The following NINJ2 variants were observed in gnomAD, a reference collection of about 807,000 sequenced individuals.
The protein encoded by NINJ2 is ninjurin 2, also known as ninjurin-2.
A neutral mutation model predicts 11.7 loss-of-function variants in NINJ2; 12 were observed. That is an observed-to-expected ratio of 1.02 (90% CI 0.66 to 1.66). The LOEUF is 1.66. NINJ2 is among the 40% of genes most tolerant of loss of function. The probability of loss-of-function intolerance (pLI) is 0.00; values close to 1 mark genes in which losing one functional copy is unlikely to be tolerated. For missense variants in NINJ2, 187 were observed against 181.8 expected (o/e 1.03, Z -0.16); for synonymous variants, 93 against 76.8 (o/e 1.21, Z -1.10).
At chr12:608,717 T>G (rs1299054068) in intron 1 of NINJ2, among the ~76,000 whole-genome samples, 1 of 134,212 alleles carries the variant, frequency 7.5e-6, no homozygotes, top group African/African-American at 3.1e-5. Context: ...TAAATATGAA[T>G]AACTCAGCAA....
intron 1 of NINJ2, among the ~76,000 whole-genome samples, chr12:597,261 C>T (rs1265665947): frequency 6.6e-6 from 1 of 152,172 alleles, no homozygotes; most frequent in Non-Finnish European, 1.5e-5. Context: ...TCAGTCTCCC[C>T]ATGTGTAGCA....
intron 1 of NINJ2, among the ~76,000 whole-genome samples, chr12:611,263 T>TCTCTCTC (rs1555165050): frequency 7.9e-6 from 1 of 126,368 alleles, no homozygotes; most frequent in African/African-American, 2.8e-5. Flanking sequence ...CTCTCTTTCT[T>TCTCTCTC]TCTTTCTTTC....
rs551250091 is a variant in NINJ2, at chr12:619,051, G to A, written c.33+44277C>T. 3.9e-5 allele frequency among the ~76,000 whole-genome samples: 6 copies of A among 152,322 alleles called. No homozygotes were observed. In the South Asian group the frequency reaches 1.0e-3, roughly 26 times the overall value. On this transcript the variant is annotated intron_variant, in intron 1 of 3. Transcript: ENST00000305108. Reference sequence around the variant, plus strand: ...AAATCCCAGAACTTCTAAAGGTCACGTGCCTTGTGGAGAAATAGTTGGGGA... The same window carrying A: ...AAATCCCAGAACTTCTAAAGGTCACATGCCTTGTGGAGAAATAGTTGGGGA...
intron 2 of NINJ2, 62 bp downstream of exon 2, chr12:565,888 G>A (rs1947291035): frequency 7.0e-7 from 1 of 1,438,106 alleles, no homozygotes; most frequent in Non-Finnish European, 9.8e-7. Context: ...GGGACACGTG[G>A]GGCCTTTCTG....
intron 1 of NINJ2, among the ~76,000 whole-genome samples, chr12:653,215 T>G (rs1937821831): frequency 6.6e-6 from 1 of 151,788 alleles, no homozygotes; most frequent in African/African-American, 2.4e-5. Context: ...AGAGACGAGG[T>G]TTCACCTTGT....
At chr12:637,215 G>A (rs976392155) in intron 1 of NINJ2, among the ~76,000 whole-genome samples, 45 of 151,832 alleles carry the variant, frequency 3.0e-4, no homozygotes, top group Non-Finnish European at 2.5e-4. Flanking sequence ...CAGGCGTGGT[G>A]GTGCACTCCT....
At chr12:587,019 G>T (rs1947647758) in intron 1 of NINJ2, among the ~76,000 whole-genome samples, 1 of 152,220 alleles carries the variant, frequency 6.6e-6, no homozygotes, top group African/African-American at 2.4e-5. Flanking sequence ...GCCAAGAGGG[G>T]TTCATACCAA....
At chr12:569,834 T>C (rs981607095) in intron 1 of NINJ2, among the ~76,000 whole-genome samples, 1 of 152,212 alleles carries the variant, frequency 6.6e-6, no homozygotes, top group African/African-American at 2.4e-5. Context: ...GCCTCATCCT[T>C]TCCTCGCTAA....
chr12:625,704 A>G (rs1387382055), intron 1 of NINJ2, among the ~76,000 whole-genome samples: 1 of 152,202 alleles, frequency 6.6e-6, no homozygotes, highest in East Asian at 1.9e-4. Context: ...AGTCTACTAT[A>G]AAGTACCTTC....
At chr12:604,193 C>G (rs1387751050) in intron 1 of NINJ2, among the ~76,000 whole-genome samples, 1 of 152,166 alleles carries the variant, frequency 6.6e-6, no homozygotes, top group Non-Finnish European at 1.5e-5. Context: ...TGATGGGAAC[C>G]GCATTAAATC....
chr12:613,604 G>A (rs1187523187), intron 1 of NINJ2, among the ~76,000 whole-genome samples: 1 of 150,702 alleles, frequency 6.6e-6, no homozygotes, highest in African/African-American at 2.5e-5. Context: ...ACGAGACTCT[G>A]TCTCAAAAAT....
At chr12:595,956 T>G (rs1947779036) in intron 1 of NINJ2, among the ~76,000 whole-genome samples, 1 of 152,132 alleles carries the variant, frequency 6.6e-6, no homozygotes, top group Non-Finnish European at 1.5e-5. Flanking sequence ...ATCAGGAAAG[T>G]GCATATTAAA....
Position 646,920 on chromosome 12 carries a change from C to T in NINJ2, c.33+16408G>A, listed in dbSNP as rs537906279. 2.4e-4 allele frequency among the ~76,000 whole-genome samples: 36 copies of T among 148,210 alleles called. No homozygotes were observed. The South Asian group carries it at 7.6e-3, about 31-fold the overall frequency. ...AGAGGCGCAGGGGTTTTCCATTCTCCTGGCGTGGAGCCTGGTCAACTTCTA... is the reference window on the plus strand; with the variant it reads ...AGAGGCGCAGGGGTTTTCCATTCTCTTGGCGTGGAGCCTGGTCAACTTCTA... On this transcript the variant is annotated intron_variant, in intron 1 of 3. Transcript: ENST00000305108.
intron 1 of NINJ2, among the ~76,000 whole-genome samples, chr12:641,385 GGA>G (rs1035172264): frequency 7.3e-5 from 11 of 151,298 alleles, no homozygotes; most frequent in African/African-American, 2.7e-4. Context: ...GGTTCCAGTT[GGA>G]GAGTCTCTGG....
At chr12:655,349 A>G (rs536108502) in intron 1 of NINJ2, among the ~76,000 whole-genome samples, 34 of 152,326 alleles carry the variant, frequency 2.2e-4, no homozygotes, top group Admixed American at 2.2e-3. Flanking sequence ...AGATGACATG[A>G]TTGTCTATGT....
rs1407518011 is a variant in NINJ2 at position 663,439 on chromosome 12, A to C, written c.-79T>G. 7 of 1,613,914 alleles carry C rather than the reference A, an allele frequency of 4.3e-6. No individual in the cohort carries two copies. The Admixed American group carries it at 5.0e-5, about 12-fold the overall frequency. On this transcript the variant is annotated 5_prime_UTR_variant, in exon 1 of 4. Transcript: ENST00000305108. ...GGGCTCCTCCAGGCTCCGCCGTCTGAGTCTCTGCTGCTTTCTTCGGGTGGG... is the reference window on the plus strand; with the variant it reads ...GGGCTCCTCCAGGCTCCGCCGTCTGCGTCTCTGCTGCTTTCTTCGGGTGGG...
chr12:652,006 A>G (rs1380898955), intron 1 of NINJ2, among the ~76,000 whole-genome samples: 1 of 152,226 alleles, frequency 6.6e-6, no homozygotes, highest in Non-Finnish European at 1.5e-5. Flanking sequence ...AGGAGGAGGC[A>G]GAAAGGAACA....
At chr12:612,814 C>T (rs760792176) in intron 1 of NINJ2, among the ~76,000 whole-genome samples, 4 of 152,178 alleles carry the variant, frequency 2.6e-5, no homozygotes, top group Non-Finnish European at 4.4e-5. Flanking sequence ...AACCAGAGGA[C>T]CCATGTGTCT....
intron 1 of NINJ2, among the ~76,000 whole-genome samples, chr12:642,379 C>T (rs1948429587): frequency 1.3e-5 from 2 of 152,140 alleles, no homozygotes; most frequent in Non-Finnish European, 2.9e-5. Context: ...TACAGGCGCC[C>T]GCCACCACGC....
Sources: allele counts gnomAD v4.1 joint callset (sites outside exome capture counted in the v4.1 genomes callset), GRCh38; gene constraint gnomAD v4.1.1; transcripts MANE v1.5; gene names NCBI Gene and HGNC (gene_info 2026-07-23, HGNC 2026-07-21).